The following STK17B variants were observed in gnomAD, a reference collection of about 807,000 sequenced individuals.
STK17B encodes the protein serine/threonine kinase 17b.
In STK17B, 21 loss-of-function variants were observed where a neutral mutation model predicts 42.0. The ratio of observed to expected loss-of-function variants is 0.50; its 90% CI spans 0.35 to 0.72. The LOEUF is 0.72. Among genes scored for constraint, STK17B ranks in the 30% least tolerant of loss-of-function variants. The pLI, the probability that STK17B is intolerant of heterozygous loss-of-function variation, is 0.00. For missense variants in STK17B, 349 were observed against 446.0 expected (o/e 0.78, Z 1.96); for synonymous variants, 143 against 148.4 (o/e 0.96, Z 0.26).
rs899000108 is a variant in STK17B at position 196,133,945 on chromosome 2, T to G, written c.*3502A>C. The G allele has an allele frequency of 3.9e-5, 6 of 152,246 alleles. No individual in the cohort carries two copies. Among genetic ancestry groups the G allele is most frequent in the African/African-American group, 1.4e-4 (6 of 41,472 alleles). The allele number at this position is 152,246 out of a possible 1,614,324, so 9.4% of individuals were successfully genotyped here. A position where few individuals can be genotyped will look rare whatever the true frequency, so the allele number is the denominator to read the frequency against. ...AACTGAAGTGAAATACTTTTAATAC[T>G]ACTTGAAATTAAAGTACAGTTGTTT... On this transcript the variant is annotated 3_prime_UTR_variant, in exon 8 of 8. Transcript: ENST00000263955.
chr2:196,150,747 T>C (rs560871718), intron 3 of STK17B, among the ~76,000 whole-genome samples: 1 of 152,338 alleles, frequency 6.6e-6, no homozygotes, highest in South Asian at 2.1e-4. Context: ...GAACTTGTTT[T>C]AAAATTTGAA....
At chr2:196,165,022 T>C (rs1699859515) in intron 1 of STK17B, among the ~76,000 whole-genome samples, 1 of 152,202 alleles carries the variant, frequency 6.6e-6, no homozygotes, top group Non-Finnish European at 1.5e-5. Context: ...TATGAGACCT[T>C]AATTAAATTA....
upstream of STK17B, among the ~76,000 whole-genome samples, chr2:196,172,510 C>T (rs1699960617): frequency 6.6e-6 from 1 of 152,180 alleles, no homozygotes; most frequent in Non-Finnish European, 1.5e-5. Context: ...TGGAGTCGTC[C>T]TCTTGCTTTC....
chr2:196,155,681 TTGTTGCA>T (rs1477762741), intron 3 of STK17B, among the ~76,000 whole-genome samples: 1 of 152,202 alleles, frequency 6.6e-6, no homozygotes, highest in Non-Finnish European at 1.5e-5. Context: ...TCTCTTCCAG[TTGTTGCA>T]GATGTTCAAA....
chr2:196,157,528 T>C (rs1699755557), intron 2 of STK17B, among the ~76,000 whole-genome samples: 3 of 152,226 alleles, frequency 2.0e-5, no homozygotes, highest in Admixed American at 1.3e-4. Flanking sequence ...TTGTCAATTG[T>C]TTTAGCAATA....
chr2:196,156,262 G>T, intron 3 of STK17B, 177 bp downstream of exon 3: 2 of 534,160 alleles, frequency 3.7e-6, no homozygotes, highest in East Asian at 3.2e-5. Context: ...TTTTGTGTAT[G>T]TGCCCGAGGC....
In STK17B at chr2:196,156,526, A is replaced by G. The variant is rs374612008; in HGVS notation, c.248T>C (p.Val83Ala). 3 of 1,613,972 alleles carry G rather than the reference A, an allele frequency of 1.9e-6. No individual in the cohort carries two copies. Among genetic ancestry groups the G allele is most frequent in the Admixed American group, 1.7e-5 (1 of 59,984 alleles). Residue 83 changes from valine to alanine, a missense_variant, in exon 3 of 8, where the codon GTG (valine) becomes GCG (alanine). Transcript: ENST00000263955. ...CRAEILHEIAVLELAKSCPRV... is the reference protein window; with the variant it reads ...CRAEILHEIAALELAKSCPRV... The stretch of plus-strand genomic sequence containing the variant: ...GGGACAAGACTTTGCCAATTCAAGC[A>G]CAGCAATCTCGTGTAAAATTTCTGC...
chr2:196,153,261 A>T (rs1282390300), intron 3 of STK17B: 6 of 151,726 alleles, frequency 4.0e-5, no homozygotes, highest in African/African-American at 1.5e-4. Flanking sequence ...TGTCCAAAAA[A>T]AAAAAACAGT....
Position 196,156,633 on chromosome 2 carries a change from A to C in STK17B, c.141T>G (p.Val47=). Residue 47 remains valine (V), a synonymous_variant, in exon 3 of 8, where the codon GTT becomes GTG. Transcript: ENST00000263955. The part of the protein sequence containing the change: ...KELGRGKFAV[V]RQCISKSTGQ... ...CAGTAGATTTTGATATACATTGTCT[A>C]ACCACAGCAAATTTTCCTCTGGGGG... is the stretch of plus-strand genomic sequence containing the variant. The C allele has an allele frequency of 6.2e-7, 1 of 1,612,262 alleles. No homozygotes were observed. Among genetic ancestry groups the C allele is most frequent in the South Asian group, 1.1e-5 (1 of 90,706 alleles).
upstream of STK17B, among the ~76,000 whole-genome samples, chr2:196,175,001 T>G (rs1559419421): frequency 6.6e-6 from 1 of 152,228 alleles, no homozygotes; most frequent in African/African-American, 2.4e-5. Context: ...ACCTGTCCTG[T>G]AAAAGCTGTC....
intron 5 of STK17B, among the ~76,000 whole-genome samples, chr2:196,141,928 A>C (rs1444455619): frequency 2.0e-5 from 3 of 152,138 alleles, no homozygotes; most frequent in Non-Finnish European, 4.4e-5. Flanking sequence ...TTAAAAAAAA[A>C]ATTAGTTTTA....
chr2:196,137,295 T>C lies in STK17B; in HGVS notation c.*152A>G, dbSNP rs1003314038. The C allele has an allele frequency of 8.8e-5, 66 of 750,878 alleles. 2 individuals carry two copies. The South Asian group carries it at 1.4e-3, about 16-fold the overall frequency. The allele number at this position is 750,878 out of a possible 1,614,324, so 46.5% of individuals were successfully genotyped here. On this transcript the variant is annotated 3_prime_UTR_variant, in exon 8 of 8. Transcript: ENST00000263955. Reference sequence around the variant, plus strand: ...TATGAAATCATAACATGCTAGCAACTAGTAATTTAACATTAAAACACTTCC... The same window carrying C: ...TATGAAATCATAACATGCTAGCAACCAGTAATTTAACATTAAAACACTTCC...
At chr2:196,146,224 T>C (rs1025844458) in intron 3 of STK17B, among the ~76,000 whole-genome samples, 169 bp from the exon 4 acceptor site, 2 of 152,134 alleles carry the variant, frequency 1.3e-5, no homozygotes, top group Non-Finnish European at 1.5e-5. Context: ...TAAGTGATGA[T>C]GGCTGGGTGC....
chr2:196,161,508 A>ATTTT (rs1283094004), intron 2 of STK17B, among the ~76,000 whole-genome samples: 3 of 89,124 alleles, frequency 3.4e-5, no homozygotes, highest in African/African-American at 8.6e-5. Flanking sequence ...AGATATTATA[A>ATTTT]TTCTTTTTTT....
chr2:196,141,791 A>G (rs1699497235), intron 5 of STK17B, among the ~76,000 whole-genome samples: 1 of 152,236 alleles, frequency 6.6e-6, no homozygotes, highest in African/African-American at 2.4e-5. Flanking sequence ...TGAGTAAATT[A>G]TATGATCAGG....
intron 1 of STK17B, among the ~76,000 whole-genome samples, chr2:196,164,384 G>A (rs1699851904): frequency 6.6e-6 from 1 of 152,096 alleles, no homozygotes; most frequent in Non-Finnish European, 1.5e-5. Context: ...GCTTTATTTC[G>A]AAGTTCTGTA....
At chr2:196,138,373 T>A (rs1199205032) in intron 7 of STK17B, among the ~76,000 whole-genome samples, 1 of 152,230 alleles carries the variant, frequency 6.6e-6, no homozygotes, top group Non-Finnish European at 1.5e-5. Context: ...CTCTTCCATA[T>A]GGATACACCA....
chr2:196,162,854 C>T lies in STK17B; in HGVS notation c.122+408G>A, dbSNP rs1033333856. ...GCAGTGAGCCAAGATCATGTCACTG[C>T]ACTCCAGCTTGAGCAACAGAGTGAG... is the stretch of plus-strand genomic sequence containing the variant. On this transcript the variant is annotated intron_variant, in intron 2 of 7. Coordinates refer to ENST00000263955, the MANE Select transcript of STK17B (RefSeq NM_004226.4). Among the ~76,000 whole-genome samples the T allele has an allele frequency of 3.3e-5, 5 of 152,006 alleles. 1 individual carries two copies. The highest frequency in any genetic ancestry group is 1.2e-4 in the African/African-American group (5 of 41,342).
chr2:196,138,508 G>C (rs373551381), intron 7 of STK17B, among the ~76,000 whole-genome samples: 1 of 151,942 alleles, frequency 6.6e-6, no homozygotes, highest in Non-Finnish European at 1.5e-5. Flanking sequence ...TGAGTTACTA[G>C]TAAAGCTAGT....
Sources: allele counts gnomAD v4.1 joint callset (sites outside exome capture counted in the v4.1 genomes callset), GRCh38; gene constraint gnomAD v4.1.1; transcripts MANE v1.5; gene names NCBI Gene and HGNC (gene_info 2026-07-23, HGNC 2026-07-21).